The following TNFAIP8 variants were observed in gnomAD, a reference collection of about 807,000 sequenced individuals.
The protein encoded by TNFAIP8 is tumor necrosis factor alpha-induced protein 8.
TNFAIP8 carries 7 observed loss-of-function variants against 13.3 expected under a neutral mutation model. The ratio of observed to expected loss-of-function variants is 0.52; its 90% CI spans 0.30 to 0.99. TNFAIP8 has a LOEUF of 0.99. Among genes scored for constraint, TNFAIP8 ranks in the 50% least tolerant of loss-of-function variants. The probability of loss-of-function intolerance (pLI) is 0.07; values close to 1 mark genes in which losing one functional copy is unlikely to be tolerated. For missense variants in TNFAIP8, 258 were observed against 236.9 expected (o/e 1.09, Z -0.58); for synonymous variants, 94 against 87.6 (o/e 1.07, Z -0.41).
chr5:119,277,561 C>T (rs1748495973), intron 1 of TNFAIP8, among the ~76,000 whole-genome samples: 1 of 152,188 alleles, frequency 6.6e-6, no homozygotes, highest in Non-Finnish European at 1.5e-5. Context: ...GATTGGGGAC[C>T]ACCTTAAGAC....
chr5:119,322,316 G>A (rs1750084640), intron 1 of TNFAIP8, among the ~76,000 whole-genome samples: 1 of 152,204 alleles, frequency 6.6e-6, no homozygotes, highest in Non-Finnish European at 1.5e-5. Context: ...ACATACTTGT[G>A]GCTGAATGAT....
chr5:119,268,872 C>A, exon 1 of TNFAIP8: 1 of 703,056 alleles, frequency 1.4e-6, no homozygotes, highest in East Asian at 2.7e-5. Flanking sequence ...CCAGCTCGCG[C>A]TTCAGCGTCC....
intron 1 of TNFAIP8, among the ~76,000 whole-genome samples, chr5:119,320,409 A>G (rs949427383): frequency 6.6e-6 from 1 of 152,152 alleles, no homozygotes; most frequent in African/African-American, 2.4e-5. Context: ...AACAAGTTAA[A>G]GAAATTTCTC....
chr5:119,348,832 A>G (rs1183365324), intron 1 of TNFAIP8, among the ~76,000 whole-genome samples: 1 of 141,592 alleles, frequency 7.1e-6, no homozygotes, highest in Non-Finnish European at 1.5e-5. Flanking sequence ...GTGAGCTGAG[A>G]TTGCACCACT....
At chr5:119,368,093 G>A (rs1751931814) in intron 1 of TNFAIP8, among the ~76,000 whole-genome samples, 1 of 152,168 alleles carries the variant, frequency 6.6e-6, no homozygotes, top group Non-Finnish European at 1.5e-5. Context: ...ATTAAAAGTA[G>A]CAAGTGTGTG....
intron 1 of TNFAIP8, among the ~76,000 whole-genome samples, chr5:119,337,416 T>G (rs566056320): frequency 4.6e-5 from 7 of 152,220 alleles, no homozygotes; most frequent in Non-Finnish European, 1.0e-4. Flanking sequence ...TAAAATTGCC[T>G]GTCACTAGAA....
At position 119,283,324 on chromosome 5, in the gene TNFAIP8, A is replaced by C. The variant is rs17145078; in HGVS notation, c.1+14417A>C. ...TTAAAAGCATTCATTCTACAAAAAC[A>C]ATGATGAAAATGATCAAGGAGTGAT... On this transcript the variant is annotated intron_variant, in intron 1 of 1. Coordinates refer to the TNFAIP8 transcript ENST00000274456. 6.8e-3 allele frequency among the ~76,000 whole-genome samples: 1,040 copies of C among 152,306 alleles called. 18 individuals are homozygous for C. In the East Asian group the frequency reaches 0.075, roughly 11 times the overall value.
At chr5:119,325,441 T>A (rs552118291) in intron 1 of TNFAIP8, among the ~76,000 whole-genome samples, 17 of 152,206 alleles carry the variant, frequency 1.1e-4, no homozygotes, top group African/African-American at 3.1e-4. Flanking sequence ...AATTACTTAA[T>A]TTGTTTATTT....
At chr5:119,284,833 T>C (rs1204495529) in intron 1 of TNFAIP8, among the ~76,000 whole-genome samples, 2 of 152,208 alleles carry the variant, frequency 1.3e-5, no homozygotes, top group African/African-American at 4.8e-5. Context: ...TAGCATTTGC[T>C]TGTTAACAAT....
chr5:119,274,052 G>T (rs1193346237), intron 1 of TNFAIP8, among the ~76,000 whole-genome samples: 1 of 152,026 alleles, frequency 6.6e-6, no homozygotes, highest in Non-Finnish European at 1.5e-5. Context: ...TTGTTTGTTT[G>T]GTTTTACAAC....
chr5:119,296,714 C>T (rs1749189090), intron 1 of TNFAIP8, among the ~76,000 whole-genome samples: 1 of 152,032 alleles, frequency 6.6e-6, no homozygotes, highest in Non-Finnish European at 1.5e-5. Context: ...CCAGTTCCTC[C>T]TTGTACCTCT....
chr5:119,352,463 G>A (rs1287230792), upstream of TNFAIP8, among the ~76,000 whole-genome samples: 3 of 152,156 alleles, frequency 2.0e-5, no homozygotes, highest in African/African-American at 7.2e-5. Context: ...AAGTTTTTGC[G>A]AACTAGAGGC....
chr5:119,333,662 A>G (rs1169701406), intron 1 of TNFAIP8: 2 of 1,472,250 alleles, frequency 1.4e-6, no homozygotes, highest in East Asian at 4.9e-5. Flanking sequence ...GAATATGTTT[A>G]GATATAATGT....
chr5:119,331,399 C>T (rs560096564), intron 1 of TNFAIP8, among the ~76,000 whole-genome samples: 17 of 152,168 alleles, frequency 1.1e-4, no homozygotes, highest in Non-Finnish European at 1.6e-4. Context: ...CTGGTTTAAA[C>T]AGCACACTTT....
At chr5:119,280,683 C>G (rs1748601189) in intron 1 of TNFAIP8, among the ~76,000 whole-genome samples, 1 of 152,134 alleles carries the variant, frequency 6.6e-6, no homozygotes, top group South Asian at 2.1e-4. Context: ...TCTGTTAATT[C>G]AGTGGGGGCA....
chr5:119,390,782 T>G (rs1216116825), intron 1 of TNFAIP8, among the ~76,000 whole-genome samples: 1 of 152,154 alleles, frequency 6.6e-6, no homozygotes, highest in Admixed American at 6.6e-5. Flanking sequence ...GGTCCAAATT[T>G]CAAATCTAAT....
rs34587766 is a variant in TNFAIP8 at position 119,396,994 on chromosome 5, C to CAAAAAA, written c.*3631_*3636dup. The CAAAAAA allele has an allele frequency of 3.0e-5, 2 of 65,866 alleles. No individual in the cohort carries two copies. The highest frequency in any genetic ancestry group is 5.6e-5 in the Non-Finnish European group (2 of 35,694). 4.1% of individuals were successfully genotyped at this position (65,866 alleles called of 1,614,324 possible). On this transcript the variant is annotated 3_prime_UTR_variant, in exon 2 of 2. Transcript: ENST00000504771. ...GGGCAACAAGAACGAAACCCCGTCT[C>CAAAAAA]AAAAAAAAAAAAAAAAAAAAAAAGC...
intron 1 of TNFAIP8, among the ~76,000 whole-genome samples, chr5:119,384,962 C>G (rs1033487849): frequency 6.6e-6 from 1 of 152,184 alleles, no homozygotes; most frequent in Non-Finnish European, 1.5e-5. Flanking sequence ...ATAAAAGATA[C>G]ACGGTTGAAC....
chr5:119,326,483 G>A (rs10073635), intron 1 of TNFAIP8, among the ~76,000 whole-genome samples: 2,384 of 152,320 alleles, frequency 0.016, 63 homozygotes, highest in African/African-American at 0.054. Flanking sequence ...GGTGGGGGCA[G>A]GACTGGGGAC....
Sources: gnomAD v4.1 joint callset for allele counts (sites outside exome capture counted in the v4.1 genomes callset) on GRCh38, gnomAD v4.1.1 for gene constraint, MANE v1.5 for transcripts, NCBI Gene and HGNC (gene_info 2026-07-23, HGNC 2026-07-21) for gene names.